The following CDC42SE2 variants were observed in gnomAD, a reference collection of about 807,000 sequenced individuals.
CDC42SE2 encodes the protein CDC42 small effector 2.
A neutral mutation model predicts 11.5 loss-of-function variants in CDC42SE2; 3 were observed. The observed-to-expected ratio is 0.26, with a 90% CI of 0.12 to 0.67. The LOEUF is 0.67. CDC42SE2 is among the 30% of genes least tolerant of loss of function. The pLI, the probability that CDC42SE2 is intolerant of heterozygous loss-of-function variation, is 0.80. For missense variants in CDC42SE2, 82 were observed against 106.8 expected (o/e 0.77, Z 1.02); for synonymous variants, 33 against 34.8 (o/e 0.95, Z 0.18).
At chr5:131,300,958 T>G (rs1376312274) in intron 1 of CDC42SE2, among the ~76,000 whole-genome samples, 4 of 152,214 alleles carry the variant, frequency 2.6e-5, no homozygotes, top group Non-Finnish European at 5.9e-5. Flanking sequence ...TACATCTTAC[T>G]ACATTCTTAC....
intron 2 of CDC42SE2, among the ~76,000 whole-genome samples, chr5:131,256,014 G>C (rs1580716113): frequency 6.6e-6 from 1 of 152,290 alleles, no homozygotes; most frequent in East Asian, 1.9e-4. Context: ...ATATCCGCCT[G>C]ACACTAGAGA....
chr5:131,220,401 T>C, the CDC42SE2 span, among the ~76,000 whole-genome samples: 1 of 152,024 alleles, frequency 6.6e-6, no homozygotes, highest in Non-Finnish European at 1.5e-5. Flanking sequence ...GAGAAGGGGT[T>C]TCACCGTGTT....
chr5:131,378,841 T>C (rs1485526860), intron 3 of CDC42SE2, among the ~76,000 whole-genome samples: 1 of 152,216 alleles, frequency 6.6e-6, no homozygotes, highest in East Asian at 1.9e-4. Context: ...CAGTAACCAC[T>C]GAAAACTCAG....
chr5:131,359,412 C>T lies in CDC42SE2; in HGVS notation c.-82C>T, dbSNP rs963216768. 6.3e-6 allele frequency: 6 copies of T among 953,342 alleles called. No individual in the cohort carries two copies. The highest frequency in any genetic ancestry group is 2.4e-5 in the East Asian group (1 of 41,848). 59.1% of individuals were successfully genotyped at this position (953,342 alleles called of 1,614,324 possible). A position where few individuals can be genotyped will look rare whatever the true frequency, so the allele number is the denominator to read the frequency against. On this transcript the variant is annotated 5_prime_UTR_variant, in exon 3 of 5. Coordinates refer to ENST00000505065, the MANE Select transcript of CDC42SE2 (RefSeq NM_001375635.1). The stretch of plus-strand genomic sequence containing the variant: ...TCATCTTGGCATCACTGGACATCAT[C>T]GTATTGAGGAGCGTATTTTTGGAAC...
intron 1 of CDC42SE2, among the ~76,000 whole-genome samples, chr5:131,290,176 A>G (rs957898127): frequency 1.3e-5 from 2 of 152,070 alleles, no homozygotes; most frequent in Non-Finnish European, 2.9e-5. Context: ...TAGAAGAGCT[A>G]TTGTGAAAGG....
chr5:131,379,021 T>A (rs983214243), intron 3 of CDC42SE2, among the ~76,000 whole-genome samples: 4 of 152,176 alleles, frequency 2.6e-5, no homozygotes, highest in African/African-American at 9.7e-5. Flanking sequence ...CAAGACACAA[T>A]TTGGAAATAG....
At chr5:131,335,598 A>T (rs1334630726) in intron 2 of CDC42SE2, among the ~76,000 whole-genome samples, 1 of 152,144 alleles carries the variant, frequency 6.6e-6, no homozygotes, top group African/African-American at 2.4e-5. Flanking sequence ...TCGTGTGGGA[A>T]TCTAAGTCTC....
At chr5:131,265,089 G>C (rs1257740150) in intron 1 of CDC42SE2, among the ~76,000 whole-genome samples, 1 of 152,164 alleles carries the variant, frequency 6.6e-6, no homozygotes, top group Non-Finnish European at 1.5e-5. Context: ...CCTTGATTAT[G>C]ATTAAGGAAA....
At chr5:131,226,120 G>GATGGGT in the CDC42SE2 span, among the ~76,000 whole-genome samples, 1 of 152,194 alleles carries the variant, frequency 6.6e-6, no homozygotes, top group Non-Finnish European at 1.5e-5. Context: ...CCAAAGACAG[G>GATGGGT]ATGGGTATGG....
chr5:131,329,696 T>A (rs974514660), intron 2 of CDC42SE2, among the ~76,000 whole-genome samples: 1 of 151,556 alleles, frequency 6.6e-6, no homozygotes, highest in Admixed American at 6.6e-5. Context: ...CTGGCCCACA[T>A]GGTGAAACCC....
At chr5:131,324,118 G>T (rs1391137510) in intron 2 of CDC42SE2, among the ~76,000 whole-genome samples, 1 of 152,084 alleles carries the variant, frequency 6.6e-6, no homozygotes, top group Non-Finnish European at 1.5e-5. Flanking sequence ...AATTGTTATT[G>T]CAGAGTACCT....
the CDC42SE2 span, among the ~76,000 whole-genome samples, chr5:131,217,880 A>G: frequency 2.0e-5 from 3 of 152,226 alleles, no homozygotes; most frequent in Non-Finnish European, 2.9e-5. Context: ...AAAGACATAC[A>G]TTAGAAAAAT....
At chr5:131,234,066 G>A in the CDC42SE2 span, among the ~76,000 whole-genome samples, 1 of 152,088 alleles carries the variant, frequency 6.6e-6, no homozygotes, top group Admixed American at 6.5e-5. Flanking sequence ...AAAAAATTCT[G>A]TTGTATTAAG....
intron 2 of CDC42SE2, among the ~76,000 whole-genome samples, chr5:131,334,096 G>A (rs1166021746): frequency 6.6e-6 from 1 of 152,054 alleles, no homozygotes; most frequent in Non-Finnish European, 1.5e-5. Context: ...TATTGGCTGT[G>A]GGTTTGTCAT....
intron 2 of CDC42SE2, among the ~76,000 whole-genome samples, chr5:131,336,482 G>T (rs924466202): frequency 3.3e-5 from 5 of 152,088 alleles, no homozygotes; most frequent in South Asian, 2.1e-4. Flanking sequence ...TATCTTTGTG[G>T]TGTTCTCTGT....
chr5:131,356,204 T>G (rs1468810307), intron 2 of CDC42SE2, among the ~76,000 whole-genome samples: 2 of 152,200 alleles, frequency 1.3e-5, no homozygotes, highest in Admixed American at 1.3e-4. Flanking sequence ...CAAGTTTATA[T>G]GTTGATGTTA....
At chr5:131,359,611 A>G in intron 3 of CDC42SE2, 64 bp downstream of exon 3, 2 of 1,196,890 alleles carry the variant, frequency 1.7e-6, no homozygotes, top group Non-Finnish European at 1.3e-6. Flanking sequence ...TGGTTCTCAA[A>G]CTGAGGATTG....
chr5:131,243,820 A>G (rs116685897), upstream of CDC42SE2, among the ~76,000 whole-genome samples: 256 of 152,334 alleles, frequency 1.7e-3, 1 homozygote, highest in African/African-American at 5.8e-3. Context: ...AAGCGGATGA[A>G]TTGTCTGAGC....
chr5:131,363,958 G>T (rs1749784097), intron 3 of CDC42SE2, among the ~76,000 whole-genome samples: 1 of 152,146 alleles, frequency 6.6e-6, no homozygotes, highest in African/African-American at 2.4e-5. Flanking sequence ...GCCTTCCAAA[G>T]TGCTGGGAAT....
Sources: allele counts gnomAD v4.1 joint callset (sites outside exome capture counted in the v4.1 genomes callset), GRCh38; gene constraint gnomAD v4.1.1; transcripts MANE v1.5; gene names NCBI Gene and HGNC (gene_info 2026-07-23, HGNC 2026-07-21).